ARB2A: variants seen among roughly 807,000 people sequenced by gnomAD.
ARB2A encodes ARB2 cotranscriptional regulator A, also known as cotranscriptional regulator ARB2A.
At chr5:94,042,986 C>T in the ARB2A span, among the ~76,000 whole-genome samples, 5 of 151,958 alleles carry the variant, frequency 3.3e-5, no homozygotes, top group Non-Finnish European at 7.4e-5. Flanking sequence ...CTTTGTCAAT[C>T]GTGTTTTTGA....
the ARB2A span, among the ~76,000 whole-genome samples, chr5:93,692,887 G>A: frequency 1.3e-5 from 2 of 152,134 alleles, no homozygotes; most frequent in East Asian, 1.9e-4. Flanking sequence ...TAGAACTCAG[G>A]ATTAAGAAAC....
the ARB2A span, among the ~76,000 whole-genome samples, chr5:93,825,085 A>C: frequency 6.6e-6 from 1 of 152,208 alleles, no homozygotes. Context: ...TAATTCTTCA[A>C]AGAAATGTTT....
the ARB2A span, among the ~76,000 whole-genome samples, chr5:93,758,295 A>G: frequency 6.6e-6 from 1 of 152,226 alleles, no homozygotes; most frequent in South Asian, 2.1e-4. Context: ...ATATAAAAAT[A>G]GTAGGGAACT....
the ARB2A span, among the ~76,000 whole-genome samples, chr5:93,654,649 T>G: frequency 6.6e-6 from 1 of 152,324 alleles, no homozygotes; most frequent in African/African-American, 2.4e-5. Context: ...TTCATAAAAT[T>G]ATTTGAAGAC....
At chr5:93,994,731 T>C in the ARB2A span, among the ~76,000 whole-genome samples, 3 of 151,646 alleles carry the variant, frequency 2.0e-5, no homozygotes, top group Non-Finnish European at 4.4e-5. Context: ...GCAAAACCCC[T>C]GTCTCTATAA....
chr5:93,718,265 C>A, the ARB2A span, among the ~76,000 whole-genome samples: 2 of 151,974 alleles, frequency 1.3e-5, no homozygotes, highest in South Asian at 2.1e-4. Context: ...CATGGTGAAA[C>A]CCCTACCAAA....
the ARB2A span, among the ~76,000 whole-genome samples, chr5:93,695,482 G>A: frequency 2.0e-5 from 3 of 152,196 alleles, no homozygotes; most frequent in Non-Finnish European, 4.4e-5. Context: ...AAACTACAAT[G>A]AGATACCATC....
the ARB2A span, chr5:93,621,238 T>TCCCCGCCCCTCCCGCCTGCG: frequency 5.2e-3 from 4,312 of 831,494 alleles, 167 homozygotes; most frequent in African/African-American, 0.14. Context: ...GTCCCGCCCC[T>TCCCCGCCCCTCCCGCCTGCG]CCCCGCCCCT....
the ARB2A span, among the ~76,000 whole-genome samples, chr5:93,953,518 G>T: frequency 6.6e-6 from 1 of 152,082 alleles, no homozygotes; most frequent in East Asian, 1.9e-4. Flanking sequence ...TTCCCTTTGT[G>T]CAGAGCTGCC....
the ARB2A span, among the ~76,000 whole-genome samples, chr5:93,841,506 G>T: frequency 6.6e-6 from 1 of 152,132 alleles, no homozygotes; most frequent in South Asian, 2.1e-4. Flanking sequence ...TATCTGAGGC[G>T]TGAAGGAGGG....
At chr5:93,914,090 A>G in the ARB2A span, among the ~76,000 whole-genome samples, 20 of 151,956 alleles carry the variant, frequency 1.3e-4, no homozygotes, top group Admixed American at 1.3e-3. Context: ...GTGAACAAAG[A>G]AAGTCACAGT....
chr5:93,667,106 T>C, the ARB2A span, among the ~76,000 whole-genome samples: 5 of 152,326 alleles, frequency 3.3e-5, no homozygotes, highest in South Asian at 1.0e-3. Flanking sequence ...GGTGCATACA[T>C]CAAAAATTCT....
chr5:93,898,272 T>TTTTTGTTTTG, the ARB2A span, among the ~76,000 whole-genome samples: 1 of 152,178 alleles, frequency 6.6e-6, no homozygotes, highest in East Asian at 1.9e-4. Context: ...CCTTACTATC[T>TTTTTGTTTTG]TTTTGTTTTG....
the ARB2A span, among the ~76,000 whole-genome samples, chr5:93,758,953 C>A: frequency 6.6e-6 from 1 of 151,828 alleles, no homozygotes; most frequent in Non-Finnish European, 1.5e-5. Flanking sequence ...ATAAATGAAA[C>A]AAAAAGCTGA....
At chr5:93,932,983 T>C in the ARB2A span, among the ~76,000 whole-genome samples, 1 of 151,496 alleles carries the variant, frequency 6.6e-6, no homozygotes, top group Admixed American at 6.6e-5. Context: ...CATCAAAGAG[T>C]CAGCAAAGGA....
the ARB2A span, among the ~76,000 whole-genome samples, chr5:93,686,122 G>A: frequency 6.6e-6 from 1 of 152,188 alleles, no homozygotes; most frequent in African/African-American, 2.4e-5. Context: ...GAGGTGGGGA[G>A]GGTGGTATTA....
At chr5:93,885,067 T>C in the ARB2A span, among the ~76,000 whole-genome samples, 1 of 151,524 alleles carries the variant, frequency 6.6e-6, no homozygotes, top group Non-Finnish European at 1.5e-5. Context: ...AAAATGTCAC[T>C]AGTTAAATTT....
At chr5:93,882,575 T>C in the ARB2A span, among the ~76,000 whole-genome samples, 1 of 151,310 alleles carries the variant, frequency 6.6e-6, no homozygotes, top group Non-Finnish European at 1.5e-5. Flanking sequence ...AAACGTTTGA[T>C]ATTTATATTA....
At chr5:94,034,286 C>T in the ARB2A span, among the ~76,000 whole-genome samples, 1 of 152,076 alleles carries the variant, frequency 6.6e-6, no homozygotes, top group Non-Finnish European at 1.5e-5. Flanking sequence ...TGTACTTAGG[C>T]TCGTGTTTGA....
Sources: allele counts gnomAD v4.1 joint callset (sites outside exome capture counted in the v4.1 genomes callset), GRCh38; gene constraint gnomAD v4.1.1; transcripts MANE v1.5; gene names NCBI Gene and HGNC (gene_info 2026-07-23, HGNC 2026-07-21).